Variants in PPP3CB observed in about 807,000 individuals in gnomAD.
PPP3CB encodes the protein serine/threonine-protein phosphatase 2B catalytic subunit beta isoform.
A neutral mutation model predicts 66.4 loss-of-function variants in PPP3CB; 8 were observed. The observed-to-expected ratio is 0.12, with a 90% CI of 0.07 to 0.22. PPP3CB has a LOEUF of 0.22. PPP3CB is among the 10% of genes least tolerant of loss of function. The probability of loss-of-function intolerance (pLI) is 1.00; values close to 1 mark genes in which losing one functional copy is unlikely to be tolerated. For synonymous variants in PPP3CB, 208 were observed against 221.2 expected, an observed-to-expected ratio of 0.94 and a Z score of 0.53; for missense variants, 319 against 642.5, an observed-to-expected ratio of 0.50 and a Z score of 5.44.
At chr10:73,469,705 C>T (rs1055186175) in intron 8 of PPP3CB, among the ~76,000 whole-genome samples, 2 of 152,214 alleles carry the variant, frequency 1.3e-5, no homozygotes, top group African/African-American at 2.4e-5. Flanking sequence ...TTTTAACCAT[C>T]ACCTCTCATC....
At chr10:73,471,254 G>C (rs747581844) in intron 5 of PPP3CB, 45 bp from the exon 6 acceptor site, 1 of 1,542,012 alleles carries the variant, frequency 6.5e-7, no homozygotes, top group East Asian at 2.3e-5. Flanking sequence ...TCATCAAAAA[G>C]TAAGGATAAA....
intron 2 of PPP3CB, among the ~76,000 whole-genome samples, chr10:73,478,893 A>G (rs2056830902): frequency 6.6e-6 from 1 of 152,242 alleles, no homozygotes; most frequent in South Asian, 2.1e-4. Context: ...TAGGACTCCA[A>G]GGATGTGTTT....
intron 10 of PPP3CB, among the ~76,000 whole-genome samples, chr10:73,449,236 G>A (rs1293568321): frequency 1.3e-5 from 2 of 152,132 alleles, no homozygotes; most frequent in African/African-American, 2.4e-5. Context: ...CCCTCCCAAC[G>A]AAGGAAAAGC....
intron 1 of PPP3CB, among the ~76,000 whole-genome samples, chr10:73,493,002 G>A (rs1481811116): frequency 2.6e-5 from 4 of 152,070 alleles, no homozygotes; most frequent in African/African-American, 4.8e-5. Context: ...CAGGCCGGGC[G>A]CGGTGGCTCA....
At chr10:73,478,971 T>A (rs1250019654) in intron 2 of PPP3CB, among the ~76,000 whole-genome samples, 2 of 152,360 alleles carry the variant, frequency 1.3e-5, no homozygotes, top group East Asian at 3.9e-4. Context: ...ATACTTTCTG[T>A]TGCTCTCTAA....
chr10:73,453,024 A>G (rs561320463), intron 10 of PPP3CB, among the ~76,000 whole-genome samples: 2 of 152,364 alleles, frequency 1.3e-5, no homozygotes, highest in South Asian at 2.1e-4. Context: ...GAAAAACAGT[A>G]ATTTTCTTCT....
intron 9 of PPP3CB, among the ~76,000 whole-genome samples, chr10:73,463,137 T>A (rs2056557605): frequency 6.6e-6 from 1 of 152,008 alleles, no homozygotes; most frequent in South Asian, 2.1e-4. Context: ...CTCCAACCAT[T>A]CCCTACCCTT....
intron 12 of PPP3CB, among the ~76,000 whole-genome samples, chr10:73,442,265 G>T (rs2056161829): frequency 6.6e-6 from 1 of 152,180 alleles, no homozygotes; most frequent in South Asian, 2.1e-4. Flanking sequence ...CAGCAAAGCT[G>T]CTGTCTTTCA....
intron 12 of PPP3CB, among the ~76,000 whole-genome samples, chr10:73,443,324 GAAAGAA>G (rs1400600145): frequency 9.6e-4 from 131 of 137,056 alleles, no homozygotes; most frequent in African/African-American, 3.3e-3. Context: ...AAGAAAGAAA[GAAAGAA>G]AAAGAAAGAG....
In PPP3CB at chr10:73,485,950, G is replaced by GTGTGTGTGTGTGTGTGTA. The variant is rs58404946; in HGVS notation, c.86-6434_86-6433insTACACACACACACACACA. Among the ~76,000 whole-genome samples, 614 of 124,626 alleles carry GTGTGTGTGTGTGTGTGTA rather than the reference G, an allele frequency of 4.9e-3. 7 individuals are homozygous for GTGTGTGTGTGTGTGTGTA. The highest frequency in any genetic ancestry group is 0.024 in the East Asian group (80 of 3,298). The allele number at this position is 124,626 out of a possible 152,430, so 81.8% of individuals were successfully genotyped here. ...TGTGTGTGTGTGTGTGTGTGTGTGTGTATTTTTTTTTTTCAGATGCAGTCT... is the reference window on the plus strand; with the variant it reads ...TGTGTGTGTGTGTGTGTGTGTGTGTGTGTGTGTGTGTGTGTGTATATTTTTTTTTTTCAGATGCAGTCT... On this transcript the variant is annotated intron_variant, in intron 1 of 13. Transcript: ENST00000360663.
At position 73,446,515 on chromosome 10, in the gene PPP3CB, C is replaced by T; in HGVS notation, c.1245G>A (p.Met415Ile). Residue 415 changes from methionine to isoleucine, a missense_variant, in exon 11 of 14, where the codon ATG becomes ATA. This residue lies in a region of PPP3CB where 120 missense variants were observed against 331.2 expected (regional missense o/e 0.36). Transcript: ENST00000360663. ...IRNKIRAIGKMARVFSVLREE... is the reference protein window; with the variant it reads ...IRNKIRAIGKIARVFSVLREE... ...ACCTGAGAACAGAGAAGACTCTTGC[C>T]ATCTTGCCAATTGCTCGAATTTTGT... 1.2e-6 allele frequency: 2 copies of T among 1,612,942 alleles called. No individual in the cohort carries two copies. The highest frequency in any genetic ancestry group is 1.7e-6 in the Non-Finnish European group (2 of 1,178,948).
chr10:73,493,308 A>T (rs1188289339), intron 1 of PPP3CB, among the ~76,000 whole-genome samples: 11 of 151,530 alleles, frequency 7.3e-5, no homozygotes, highest in African/African-American at 2.4e-4. Flanking sequence ...GGAGAAAAAG[A>T]CTACTTGCAT....
rs1312946230 is a variant in PPP3CB at position 73,436,997 on chromosome 10, C to G, written c.*1245G>C. 2.0e-5 allele frequency: 3 copies of G among 152,620 alleles called. No homozygotes were observed. Among genetic ancestry groups the G allele is most frequent in the Non-Finnish European group, 4.4e-5 (3 of 68,050 alleles). The allele number at this position is 152,620 out of a possible 1,614,324, so 9.5% of individuals were successfully genotyped here. A position where few individuals can be genotyped will look rare whatever the true frequency, so the allele number is the denominator to read the frequency against. On this transcript the variant is annotated 3_prime_UTR_variant, in exon 14 of 14. Transcript: ENST00000360663. Reference sequence around the variant, plus strand: ...ATTCCAGGGCATGAGGGAAGCAGGCCACCAAAGTAAAGGGAAATACCAAAC... The same window carrying G: ...ATTCCAGGGCATGAGGGAAGCAGGCGACCAAAGTAAAGGGAAATACCAAAC...
At chr10:73,484,601 T>G (rs1254195197) in intron 1 of PPP3CB, among the ~76,000 whole-genome samples, 1 of 152,092 alleles carries the variant, frequency 6.6e-6, no homozygotes, top group Non-Finnish European at 1.5e-5. Context: ...TTTTTTTTTT[T>G]GCCTCCATAT....
chr10:73,472,507 AAAAG>A (rs1370169288), intron 4 of PPP3CB, among the ~76,000 whole-genome samples: 4 of 152,034 alleles, frequency 2.6e-5, no homozygotes, highest in East Asian at 1.9e-4. Context: ...AAAAAAAAAA[AAAAG>A]AAAGAAATCT....
At chr10:73,449,665 C>G (rs983218169) in intron 10 of PPP3CB, among the ~76,000 whole-genome samples, 1 of 152,146 alleles carries the variant, frequency 6.6e-6, no homozygotes, top group Non-Finnish European at 1.5e-5. Flanking sequence ...ACTTCTAAAA[C>G]GGATGCTATG....
chr10:73,445,841 C>T (rs1027888450), intron 11 of PPP3CB, among the ~76,000 whole-genome samples: 2 of 150,622 alleles, frequency 1.3e-5, no homozygotes, highest in Admixed American at 6.6e-5. Context: ...CTCCACCTCC[C>T]GAGTTCAAGT....
chr10:73,494,662 AG>A (rs1483250516), intron 1 of PPP3CB, among the ~76,000 whole-genome samples: 2 of 151,916 alleles, frequency 1.3e-5, no homozygotes, highest in Non-Finnish European at 1.5e-5. Flanking sequence ...AAAAAAAAAA[AG>A]AAAAAAGGTT....
At chr10:73,444,931 G>T in intron 11 of PPP3CB, 109 bp from the exon 12 acceptor site, 1 of 1,081,046 alleles carries the variant, frequency 9.3e-7, no homozygotes, top group Non-Finnish European at 1.3e-6. Context: ...GACATTCATT[G>T]CTATTACCAT....
Sources: allele counts gnomAD v4.1 joint callset (sites outside exome capture counted in the v4.1 genomes callset), GRCh38; gene constraint gnomAD v4.1.1; regional missense constraint gnomAD v4.1.1; transcripts MANE v1.5; gene names NCBI Gene and HGNC (gene_info 2026-07-23, HGNC 2026-07-21).